Variants in BIRC6 observed in about 807,000 individuals in gnomAD.
BIRC6 encodes dual E2 ubiquitin-conjugating enzyme/E3 ubiquitin-protein ligase BIRC6.
In BIRC6, 98 loss-of-function variants were observed where a neutral mutation model predicts 503.3. The ratio of observed to expected loss-of-function variants is 0.19; its 90% confidence interval spans 0.17 to 0.23. BIRC6 has a LOEUF of 0.23. Among genes scored for constraint, BIRC6 ranks in the 10% least tolerant of loss-of-function variants. The probability of loss-of-function intolerance (pLI) is 1.00; values close to 1 mark genes in which losing one functional copy is unlikely to be tolerated. For missense variants in BIRC6, 5,360 were observed against 5,806.0 expected (o/e 0.92, Z 2.50); for synonymous variants, 2,240 against 2,078.7 (o/e 1.08, Z -2.11).
chr2:32,518,257 C>A lies in BIRC6; in HGVS notation c.11353C>A (p.Leu3785Ile). The A allele has an allele frequency of 6.2e-7, 1 of 1,611,894 alleles. No homozygotes were observed. Among genetic ancestry groups the A allele is most frequent in the South Asian group, 1.1e-5 (1 of 90,626 alleles). The part of the protein sequence containing the change: ...PNNQKLMAQV[L>I]CELFQTSPQR... ...TTTAAATATTTTGTCTTGCCAGGTT[C>A]TTTGTGAACTATTTCAGACATCTCC... Residue 3785 changes from leucine (L) to isoleucine (I), a missense_variant, in exon 56 of 74, where the codon CTT (leucine) becomes ATT (isoleucine). Leu to Ile is a conservative substitution (Grantham distance 5). Around this residue, in one of 16 missense-constraint regions of BIRC6, gnomAD observed 878 missense variants for 928.9 expected, o/e 0.95. Coordinates refer to ENST00000421745, the MANE Select transcript of BIRC6 (RefSeq NM_016252.4).
At chr2:32,432,373 C>G (rs1048320236) in intron 12 of BIRC6, among the ~76,000 whole-genome samples, 36 of 152,086 alleles carry the variant, frequency 2.4e-4, no homozygotes, top group African/African-American at 8.0e-4. Flanking sequence ...CAAGATTACG[C>G]CCCACTGCAC....
intron 1 of BIRC6, among the ~76,000 whole-genome samples, chr2:32,361,111 T>G (rs949201293): frequency 1.3e-5 from 2 of 151,942 alleles, no homozygotes; most frequent in African/African-American, 2.4e-5. Context: ...TATTTTTTAT[T>G]TTTAGTAGAG....
At position 32,395,064 on chromosome 2, in the gene BIRC6, A is replaced by G. The variant is rs528857849; in HGVS notation, c.952-447A>G. Among the ~76,000 whole-genome samples the G allele has an allele frequency of 4.5e-4, 69 of 152,278 alleles. 1 individual carries two copies. The South Asian group carries it at 0.014, about 31-fold the overall frequency. On this transcript the variant is annotated intron_variant, in intron 5 of 73. Coordinates refer to ENST00000421745, the MANE Select transcript of BIRC6 (RefSeq NM_016252.4). ...CCACTCGGGAGGCTGAGGCAGGATA[A>G]TCGCTTGAACCCGGGGAGGTGGAGC...
At chr2:32,544,640 G>A (rs771375891) in intron 62 of BIRC6, among the ~76,000 whole-genome samples, 1 of 151,454 alleles carries the variant, frequency 6.6e-6, no homozygotes, top group Non-Finnish European at 1.5e-5. Context: ...GTTAAGTTCT[G>A]TACTACAAAG....
At chr2:32,571,260 A>G (rs2059894370) in intron 65 of BIRC6, among the ~76,000 whole-genome samples, 1 of 152,010 alleles carries the variant, frequency 6.6e-6, no homozygotes, top group African/African-American at 2.4e-5. Context: ...TACCGGCCTC[A>G]TAAAATGAGT....
At chr2:32,501,039 C>T (rs979144566) in intron 46 of BIRC6, among the ~76,000 whole-genome samples, 1 of 152,090 alleles carries the variant, frequency 6.6e-6, no homozygotes, top group Non-Finnish European at 1.5e-5. Context: ...TAAAATTTTA[C>T]TCATACTGTA....
intron 65 of BIRC6, chr2:32,566,477 T>A (rs1483418640): frequency 6.6e-6 from 1 of 152,176 alleles, no homozygotes; most frequent in Non-Finnish European, 1.5e-5. Flanking sequence ...TTCAGCCTCA[T>A]GAGTAGCTGA....
rs1393488613 is a variant in BIRC6 at position 32,513,041 on chromosome 2, T to G, written c.10455T>G (p.Gly3485=). 6.2e-7 allele frequency: 1 copy of G among 1,613,910 alleles called. No homozygotes were observed. The highest frequency in any genetic ancestry group is 8.5e-7 in the Non-Finnish European group (1 of 1,179,838). Residue 3485 remains glycine, a synonymous_variant, in exon 54 of 74, where the codon GGT becomes GGG. Transcript: ENST00000421745. ...MCPNSSTVEY[G]LLMPSPSHLH... is the part of the protein sequence containing the mutation. ...CTAACTCCTCAACAGTAGAGTATGG[T>G]CTTCTGATGCCATCTCCTTCTCATT...
intron 13 of BIRC6, among the ~76,000 whole-genome samples, chr2:32,434,411 T>C (rs2148076465): frequency 6.6e-6 from 1 of 152,040 alleles, no homozygotes; most frequent in Non-Finnish European, 1.5e-5. Flanking sequence ...TTTTGAAAAA[T>C]TACATATACG....
At chr2:32,603,276 A>C (rs568780501) in intron 71 of BIRC6, among the ~76,000 whole-genome samples, 193 bp downstream of exon 71, 7 of 152,196 alleles carry the variant, frequency 4.6e-5, no homozygotes, top group East Asian at 3.8e-4. Flanking sequence ...TAAAATCTCA[A>C]GTTGGGGCAT....
At chr2:32,394,812 T>C (rs929697477) in intron 5 of BIRC6, among the ~76,000 whole-genome samples, 1 of 152,028 alleles carries the variant, frequency 6.6e-6, no homozygotes, top group Admixed American at 6.5e-5. Flanking sequence ...TCTGAGACTC[T>C]GTCTCTTTAA....
chr2:32,579,797 G>A (rs2060542155), intron 66 of BIRC6, among the ~76,000 whole-genome samples: 1 of 151,914 alleles, frequency 6.6e-6, no homozygotes, highest in South Asian at 2.1e-4. Flanking sequence ...AGAAATTCAT[G>A]ATTAACACTG....
In BIRC6 at chr2:32,490,222, CAG is replaced by C. The variant is rs762846291; in HGVS notation, c.8206+74_8206+75del. ...GTGTTCTACTATTGGATTCTTAAAA[CAG>C]AGTTTTCCAAGGAGTGGTATACTTG... On this transcript the variant is annotated intron_variant, in intron 43 of 73. Coordinates refer to ENST00000421745, the MANE Select transcript of BIRC6 (RefSeq NM_016252.4). The C allele has an allele frequency of 1.1e-3, 1,395 of 1,316,892 alleles. 3 individuals are homozygous for C. Among genetic ancestry groups the C allele is most frequent in the Non-Finnish European group, 1.3e-3 (1,174 of 915,276 alleles). 81.6% of individuals were successfully genotyped at this position (1,316,892 alleles called of 1,614,324 possible).
chr2:32,445,798 T>TA, intron 21 of BIRC6, 130 bp downstream of exon 21: 1 of 627,100 alleles, frequency 1.6e-6, no homozygotes. Context: ...GTTTATACCT[T>TA]ACTTTTTCCA....
chr2:32,501,592 A>T (rs1288147105), intron 46 of BIRC6, 121 bp from the exon 47 acceptor site: 2 of 711,694 alleles, frequency 2.8e-6, no homozygotes, highest in Admixed American at 6.7e-5. Flanking sequence ...GCTGGTTTTG[A>T]ACTCCTGAAG....
At chr2:32,468,928 T>A in intron 29 of BIRC6, 145 bp downstream of exon 29, 1 of 665,142 alleles carries the variant, frequency 1.5e-6, no homozygotes, top group Non-Finnish European at 2.4e-6. Flanking sequence ...CTCTTTAGGT[T>A]AATCTATTTC....
chr2:32,574,815 C>G (rs1344935439), intron 65 of BIRC6: 6 of 325,368 alleles, frequency 1.8e-5, no homozygotes, highest in African/African-American at 6.4e-5. Context: ...ATGGCATGAT[C>G]TTGGCTCACT....
At chr2:32,475,870 T>C (rs927394830) in intron 33 of BIRC6, among the ~76,000 whole-genome samples, 6 of 151,962 alleles carry the variant, frequency 3.9e-5, no homozygotes, top group Non-Finnish European at 7.4e-5. Flanking sequence ...CTAAGAAATA[T>C]TAAGCAATAA....
chr2:32,477,625 G>A (rs535881784), intron 35 of BIRC6, 42 bp downstream of exon 35: 22 of 1,508,676 alleles, frequency 1.5e-5, no homozygotes, highest in African/African-American at 5.5e-5. Flanking sequence ...TTGGCCGGGC[G>A]CAGTGGCTCA....
Sources: gnomAD v4.1 joint callset for allele counts (sites outside exome capture counted in the v4.1 genomes callset) on GRCh38, gnomAD v4.1.1 for gene constraint, gnomAD v4.1.1 regional missense constraint, MANE v1.5 for transcripts, NCBI Gene and HGNC (gene_info 2026-07-23, HGNC 2026-07-21) for gene names.